Variants in KPNA2 observed in about 807,000 individuals in gnomAD.
The protein encoded by KPNA2 is karyopherin subunit alpha 2.
In KPNA2, 20 loss-of-function variants were observed where a neutral mutation model predicts 53.7. The ratio of observed to expected loss-of-function variants is 0.37; its 90% CI spans 0.26 to 0.54. The LOEUF (loss-of-function observed/expected upper bound fraction) is 0.54, where lower values mean the gene tolerates loss of function less well. Ranked by LOEUF, KPNA2 falls within the 20% of genes least tolerant of loss-of-function variation. KPNA2 has a pLI of 0.83. For synonymous variants in KPNA2, 238 were observed against 227.5 expected, an observed-to-expected ratio of 1.05 and a Z score of -0.42; for missense variants, 515 against 640.3, an observed-to-expected ratio of 0.80 and a Z score of 2.11.
Position 68,042,995 on chromosome 17 carries a change from T to C in KPNA2, c.662T>C (p.Leu221Ser). The change falls in exon 6 of 11, where the codon TTA becomes TCA. Residue 221 changes from leucine to serine, a missense_variant. Physicochemically the swap from Leu to Ser is moderately radical, Grantham distance 145. Transcript: ENST00000330459. ...CTTGCAGTTCCTGATATGTCATCTT[T>C]AGCAGTAAGTTACTAACATGAGTAA... is the stretch of plus-strand genomic sequence containing the variant. ...ALLAVPDMSS[L>S]ACGYLRNLTW... 6.2e-7 allele frequency: 1 copy of C among 1,613,166 alleles called. No individual in the cohort carries two copies. Among genetic ancestry groups the C allele is most frequent in the Non-Finnish European group, 8.5e-7 (1 of 1,179,100 alleles).
chr17:68,040,742 A>G lies in KPNA2; in HGVS notation c.278A>G (p.Gln93Arg), dbSNP rs1324932026. The change falls in exon 4 of 11, where the codon CAG (glutamine) becomes CGG (arginine). Residue 93 changes from glutamine to arginine, a missense_variant. Physicochemically the swap from Gln to Arg is conservative, Grantham distance 43 (BLOSUM62 1). Transcript: ENST00000330459. ...ATAAATAGCAGCAATGTGGAAAATC[A>G]GCTCCAAGCTACTCAAGCTGCCAGG... ...KGINSSNVEN[Q>R]LQATQAARKL... 3 of 1,612,208 alleles carry G rather than the reference A, an allele frequency of 1.9e-6. No individual in the cohort carries two copies. The highest frequency in any genetic ancestry group is 1.3e-5 in the African/African-American group (1 of 74,884).
In KPNA2 at chr17:68,042,100, A is replaced by AG; in HGVS notation, c.319dup (p.Glu107GlyfsTer26). On this transcript the variant is annotated frameshift_variant, in exon 5 of 11. Transcript: ENST00000330459. LOFTEE classifies it high-confidence loss of function. The stretch of plus-strand genomic sequence containing the variant: ...TCCCCTTTAGGAAACTACTTTCCAG[A>AG]GAAAAACAGCCCCCCATAGACAACA... 1 of 1,612,976 alleles carries AG rather than the reference A, an allele frequency of 6.2e-7. No individual in the cohort carries two copies. Among genetic ancestry groups the AG allele is most frequent in the Non-Finnish European group, 8.5e-7 (1 of 1,179,034 alleles).
At position 68,043,173 on chromosome 17, in the gene KPNA2, A is replaced by G. The variant is rs782346428; in HGVS notation, c.740A>G (p.Asp247Gly). The G allele has an allele frequency of 1.2e-6, 2 of 1,614,102 alleles. No individual in the cohort carries two copies. Among genetic ancestry groups the G allele is most frequent in the East Asian group, 2.2e-5 (1 of 44,864 alleles). ...AACAAGAATCCTGCACCCCCGATAG[A>G]TGCTGTTGAGCAGATTCTTCCTACC... ...CRNKNPAPPIDAVEQILPTLV... is the reference protein window; with the variant it reads ...CRNKNPAPPIGAVEQILPTLV... The change falls in exon 7 of 11, where the codon GAT becomes GGT. Residue 247 changes from aspartate to glycine, a missense_variant. Asp to Gly is a moderately conservative substitution (Grantham distance 94). Coordinates refer to ENST00000330459, the MANE Select transcript of KPNA2 (RefSeq NM_002266.4).
intron 8 of KPNA2, 43 bp from the exon 9 acceptor site, chr17:68,044,278 G>A (rs1411092200): frequency 5.8e-6 from 9 of 1,542,012 alleles, no homozygotes; most frequent in African/African-American, 4.1e-5. Flanking sequence ...AATCTTATTT[G>A]TGCAACTGTT....
chr17:68,046,441 C>G, intron 10 of KPNA2, 63 bp from the exon 11 acceptor site: 1 of 975,968 alleles, frequency 1.0e-6, no homozygotes, highest in Non-Finnish European at 1.6e-6. Context: ...ATACAGACTT[C>G]AGGTAGGCTG....
chr17:68,038,272 C>T (rs1226380478), intron 3 of KPNA2, among the ~76,000 whole-genome samples: 6 of 152,038 alleles, frequency 3.9e-5, no homozygotes, highest in African/African-American at 1.4e-4. Flanking sequence ...ACTGCCCGGC[C>T]TGTTTTTGTA....
intron 4 of KPNA2, 96 bp downstream of exon 4, chr17:68,040,862 C>T: frequency 3.9e-6 from 3 of 760,462 alleles, no homozygotes; most frequent in South Asian, 3.0e-5. Context: ...ACAGATAGTA[C>T]AAGGAAAGAT....
Position 68,038,587 on chromosome 17 carries a change from C to T in KPNA2, c.213+1092C>T, listed in dbSNP as rs565413234. ...AAGTACTGCTTTAGACCTGTGTTTT[C>T]GCTCCTTAAAATCCATACTCCAAAT... On this transcript the variant is annotated intron_variant, in intron 3 of 10. Transcript: ENST00000330459. 4.6e-5 allele frequency among the ~76,000 whole-genome samples: 7 copies of T among 152,170 alleles called. No individual in the cohort carries two copies. The East Asian group carries it at 1.4e-3, about 29-fold the overall frequency.
rs2071199575 is a variant in KPNA2, at chr17:68,037,150, T to C, written c.18T>C (p.Asn6=). Residue 6 remains asparagine, a synonymous_variant, in exon 2 of 11, where the codon AAT becomes AAC. Transcript: ENST00000330459. MSTNE[N]ANTPAARLHR... ...TCATAACCATGTCCACCAACGAGAA[T>C]GCTAATACACCAGCTGCCCGTCTTC... is the stretch of plus-strand genomic sequence containing the variant. 6.2e-7 allele frequency: 1 copy of C among 1,613,328 alleles called. No homozygotes were observed. The highest frequency in any genetic ancestry group is 8.5e-7 in the Non-Finnish European group (1 of 1,179,612).
intron 3 of KPNA2, among the ~76,000 whole-genome samples, 197 bp downstream of exon 3, chr17:68,037,692 CCTTT>C (rs1210556080): frequency 6.6e-6 from 1 of 152,148 alleles, no homozygotes; most frequent in Non-Finnish European, 1.5e-5. Context: ...TTAGGATCTT[CCTTT>C]AGCTCTGACC....
chr17:68,046,296 G>A (rs1269351604), intron 10 of KPNA2, among the ~76,000 whole-genome samples: 3 of 151,946 alleles, frequency 2.0e-5, no homozygotes, highest in South Asian at 2.1e-4. Flanking sequence ...AAAAAATCTC[G>A]GCCTGTTTGT....
At chr17:68,037,796 CTTCT>C (rs1247343247) in intron 3 of KPNA2, among the ~76,000 whole-genome samples, 1 of 149,736 alleles carries the variant, frequency 6.7e-6, no homozygotes, top group Non-Finnish European at 1.5e-5. Flanking sequence ...TGGTTTATTT[CTTCT>C]TTTTTTTTTT....
Position 68,045,928 on chromosome 17 carries a change from A to G in KPNA2, c.1497+7A>G, listed in dbSNP as rs1568278635. ...GAAGTATTTCTCTGTAGAGGTGAGTAATGGATGGTAATATTAATAACAACT... is the reference window on the plus strand; with the variant it reads ...GAAGTATTTCTCTGTAGAGGTGAGTGATGGATGGTAATATTAATAACAACT... On this transcript the variant is annotated splice_region_variant and intron_variant, in intron 10 of 10. Coordinates refer to ENST00000330459, the MANE Select transcript of KPNA2 (RefSeq NM_002266.4). 6.6e-7 allele frequency: 1 copy of G among 1,513,026 alleles called. No individual in the cohort carries two copies. 93.7% of individuals were successfully genotyped at this position (1,513,026 alleles called of 1,614,324 possible). A position where few individuals can be genotyped will look rare whatever the true frequency, so the allele number is the denominator to read the frequency against.
intron 9 of KPNA2, 127 bp downstream of exon 9, chr17:68,044,630 TGTGGCCACCCCTTTGATTAAAAATG>T: frequency 1.4e-6 from 1 of 726,200 alleles, no homozygotes; most frequent in Non-Finnish European, 2.4e-6. Flanking sequence ...AGCCTGTTTA[TGTGGCCACCCCTTTGATTAAAAATG>T]AGGCAGGCAT....
chr17:68,038,254 C>T (rs782619162), intron 3 of KPNA2, among the ~76,000 whole-genome samples: 2 of 152,180 alleles, frequency 1.3e-5, no homozygotes, highest in African/African-American at 4.8e-5. Context: ...GGATTACAGG[C>T]GTGAGCCACT....
intron 3 of KPNA2, 44 bp downstream of exon 3, chr17:68,037,539 A>T (rs1320977976): frequency 6.3e-7 from 1 of 1,577,852 alleles, no homozygotes; most frequent in South Asian, 1.1e-5. Context: ...AAATCCAGAA[A>T]ATCAGTAGGG....
intron 4 of KPNA2, among the ~76,000 whole-genome samples, chr17:68,041,739 C>T (rs1201149941): frequency 6.6e-6 from 1 of 152,018 alleles, no homozygotes; most frequent in Non-Finnish European, 1.5e-5. Context: ...ACAAAATGTG[C>T]TTAACCACAA....
intron 3 of KPNA2, among the ~76,000 whole-genome samples, chr17:68,038,269 G>A (rs2071214521): frequency 2.6e-5 from 4 of 151,972 alleles, no homozygotes; most frequent in South Asian, 2.1e-4. Flanking sequence ...GCCACTGCCC[G>A]GCCTGTTTTT....
chr17:68,037,005 CA>C (rs2071197670), intron 1 of KPNA2, 104 bp from the exon 2 acceptor site: 1 of 782,250 alleles, frequency 1.3e-6, no homozygotes. Flanking sequence ...CTCTAGTATA[CA>C]GGTGTGGATT....
Sources: gnomAD v4.1 joint callset for allele counts (sites outside exome capture counted in the v4.1 genomes callset) on GRCh38, gnomAD v4.1.1 for gene constraint, MANE v1.5 for transcripts, NCBI Gene and HGNC (gene_info 2026-07-23, HGNC 2026-07-21) for gene names.